KCNN2: variants seen among roughly 807,000 people sequenced by gnomAD.
KCNN2 encodes potassium calcium-activated channel subfamily N member 2, also known as small conductance calcium-activated potassium channel protein 2.
KCNN2 carries 24 observed loss-of-function variants against 55.5 expected under a neutral mutation model. The observed-to-expected ratio is 0.43, with a 90% CI of 0.31 to 0.61. The LOEUF (loss-of-function observed/expected upper bound fraction) is 0.61, where lower values mean the gene tolerates loss of function less well. Among genes scored for constraint, KCNN2 ranks in the 20% least tolerant of loss-of-function variants. KCNN2 has a pLI of 0.08. For missense variants in KCNN2, 754 were observed against 853.6 expected, an observed-to-expected ratio of 0.88 and a Z score of 1.45; for synonymous variants, 431 against 336.1, an observed-to-expected ratio of 1.28 and a Z score of -3.09.
intron 3 of KCNN2, among the ~76,000 whole-genome samples, chr5:114,413,944 A>G (rs1211631741): frequency 1.3e-5 from 2 of 152,224 alleles, no homozygotes; most frequent in Non-Finnish European, 2.9e-5. Context: ...ATTCAGCTTC[A>G]GAACCACTGT....
chr5:114,175,999 T>C (rs545614595), intron 1 of KCNN2, among the ~76,000 whole-genome samples: 2 of 152,362 alleles, frequency 1.3e-5, no homozygotes, highest in East Asian at 3.9e-4. Flanking sequence ...TTGGAGATAA[T>C]TACATTTCAT....
chr5:114,310,417 G>A (rs1756372210), intron 2 of KCNN2, among the ~76,000 whole-genome samples: 1 of 151,990 alleles, frequency 6.6e-6, no homozygotes, highest in Non-Finnish European at 1.5e-5. Flanking sequence ...TTTCTCTATT[G>A]AAAAAAATTA....
intron 2 of KCNN2, among the ~76,000 whole-genome samples, chr5:114,333,402 A>T (rs573202299): frequency 5.9e-5 from 9 of 152,326 alleles, no homozygotes; most frequent in Non-Finnish European, 1.0e-4. Flanking sequence ...AGGTTATTTT[A>T]AAAATAATGT....
chr5:114,277,256 G>A (rs1755510352), intron 2 of KCNN2, among the ~76,000 whole-genome samples: 1 of 152,052 alleles, frequency 6.6e-6, no homozygotes, highest in East Asian at 1.9e-4. Context: ...CTTTCTCTCT[G>A]ACTGCCCTTA....
At chr5:114,294,859 G>T (rs1336867509) in intron 2 of KCNN2, among the ~76,000 whole-genome samples, 1 of 152,124 alleles carries the variant, frequency 6.6e-6, no homozygotes, top group Non-Finnish European at 1.5e-5. Flanking sequence ...GGGTGCTCCT[G>T]TATTGGGTGC....
intron 2 of KCNN2, among the ~76,000 whole-genome samples, chr5:114,225,526 G>A (rs945657172): frequency 6.6e-6 from 1 of 152,066 alleles, no homozygotes; most frequent in African/African-American, 2.4e-5. Context: ...ACATATATTT[G>A]TTTGTTGTGT....
intron 1 of KCNN2, among the ~76,000 whole-genome samples, chr5:114,140,986 A>C (rs911789955): frequency 6.6e-6 from 1 of 151,680 alleles, no homozygotes; most frequent in Non-Finnish European, 1.5e-5. Context: ...ACGGGGTTTC[A>C]CCATTTTGGT....
At chr5:114,271,095 C>T (rs1468628034) in intron 2 of KCNN2, among the ~76,000 whole-genome samples, 1 of 152,104 alleles carries the variant, frequency 6.6e-6, no homozygotes, top group Non-Finnish European at 1.5e-5. Flanking sequence ...AGGTGGCCAG[C>T]TTTTATTCCC....
At chr5:114,192,563 A>G (rs1029847518) in intron 1 of KCNN2, among the ~76,000 whole-genome samples, 5 of 152,104 alleles carry the variant, frequency 3.3e-5, no homozygotes, top group Admixed American at 6.6e-5. Context: ...CATCAAGAAT[A>G]TGAATGTAAG....
At chr5:114,123,055 A>G (rs551631316) in intron 1 of KCNN2, among the ~76,000 whole-genome samples, 2 of 152,354 alleles carry the variant, frequency 1.3e-5, no homozygotes, top group South Asian at 2.1e-4. Context: ...TGTGAGAGAC[A>G]GTATATAAGG....
chr5:114,159,607 A>T (rs1003972229), intron 1 of KCNN2, among the ~76,000 whole-genome samples: 1 of 152,164 alleles, frequency 6.6e-6, no homozygotes, highest in African/African-American at 2.4e-5. Flanking sequence ...CCTCTGGTAG[A>T]ATTCAGCTGT....
intron 1 of KCNN2, among the ~76,000 whole-genome samples, chr5:114,198,186 T>C (rs548926014): frequency 2.6e-5 from 4 of 151,944 alleles, no homozygotes; most frequent in Admixed American, 2.0e-4. Context: ...CAGATTTATG[T>C]TGAGTCTGAT....
chr5:114,145,405 A>G (rs1752377641), intron 1 of KCNN2, among the ~76,000 whole-genome samples: 1 of 152,186 alleles, frequency 6.6e-6, no homozygotes, highest in Non-Finnish European at 1.5e-5. Context: ...AAAGGCTTAT[A>G]TTGGGATGTG....
chr5:114,087,096 C>A (rs531312694), intron 1 of KCNN2, among the ~76,000 whole-genome samples: 19 of 151,590 alleles, frequency 1.3e-4, no homozygotes, highest in Non-Finnish European at 2.5e-4. Context: ...AAGTGCCTGT[C>A]CCTTTGCCCA....
intron 2 of KCNN2, among the ~76,000 whole-genome samples, chr5:114,291,396 G>A (rs1390970148): frequency 6.6e-6 from 1 of 151,696 alleles, no homozygotes; most frequent in East Asian, 1.9e-4. Flanking sequence ...ATGTCCATGT[G>A]TTCTCATCGT....
At chr5:114,094,719 C>T (rs1280307040) in intron 1 of KCNN2, among the ~76,000 whole-genome samples, 1 of 152,126 alleles carries the variant, frequency 6.6e-6, no homozygotes, top group Non-Finnish European at 1.5e-5. Context: ...TTATAAAAAC[C>T]TATTTTGACA....
rs1321018681 is a variant in KCNN2, at chr5:114,083,152, A to G, written c.-271+26652A>G. On this transcript the variant is annotated intron_variant, in intron 1 of 10. Coordinates refer to the KCNN2 transcript ENST00000512097. ...ATTTGATTCTGTAGGATCTGTATATAGTAATATATTGTAATATCTTCCTTT... is the reference window on the plus strand; with the variant it reads ...ATTTGATTCTGTAGGATCTGTATATGGTAATATATTGTAATATCTTCCTTT... Among the ~76,000 whole-genome samples, 3 of 152,226 alleles carry G rather than the reference A, an allele frequency of 2.0e-5. No individual in the cohort carries two copies. The East Asian group carries it at 5.8e-4, about 29-fold the overall frequency.
intron 3 of KCNN2, among the ~76,000 whole-genome samples, chr5:114,447,436 T>C (rs1409349416): frequency 6.6e-6 from 1 of 152,260 alleles, no homozygotes; most frequent in African/African-American, 2.4e-5. Flanking sequence ...TAGGTTCTTG[T>C]TTGGGAAGTA....
chr5:114,495,722 C>T (rs1348219518), intron 7 of KCNN2, among the ~76,000 whole-genome samples, 173 bp from the exon 8 acceptor site: 1 of 152,154 alleles, frequency 6.6e-6, no homozygotes, highest in Non-Finnish European at 1.5e-5. Flanking sequence ...GATTATAAAT[C>T]CTGGCATTGA....
Sources: allele counts gnomAD v4.1 joint callset (sites outside exome capture counted in the v4.1 genomes callset), GRCh38; gene constraint gnomAD v4.1.1; transcripts MANE v1.5; gene names NCBI Gene and HGNC (gene_info 2026-07-23, HGNC 2026-07-21).